PTPN21: variants seen among roughly 807,000 people sequenced by gnomAD.
PTPN21 encodes protein tyrosine phosphatase non-receptor type 21.
PTPN21 carries 77 observed loss-of-function variants against 131.8 expected under a neutral mutation model. The ratio of observed to expected loss-of-function variants is 0.58; its 90% CI spans 0.49 to 0.71. The LOEUF is 0.71. PTPN21 is among the 30% of genes least tolerant of loss of function. The pLI, the probability that PTPN21 is intolerant of heterozygous loss-of-function variation, is 0.00. For synonymous variants in PTPN21, 715 were observed against 621.3 expected (o/e 1.15, Z -2.24); for missense variants, 1,552 against 1,527.1 (o/e 1.02, Z -0.27).
chr14:88,502,809 T>C (rs1238830792), intron 6 of PTPN21, among the ~76,000 whole-genome samples: 1 of 151,926 alleles, frequency 6.6e-6, no homozygotes, highest in Non-Finnish European at 1.5e-5. Context: ...CCCAGGGTAA[T>C]GAACTTGGGC....
Position 88,465,893 on chromosome 14 carries a change from ATT to A in PTPN21, c.*2242_*2243del, listed in dbSNP as rs886447318. 1 of 152,182 alleles carries A rather than the reference ATT, an allele frequency of 6.6e-6. No homozygotes were observed. The highest frequency in any genetic ancestry group is 1.5e-5 in the Non-Finnish European group (1 of 68,038). 9.4% of individuals were successfully genotyped at this position (152,182 alleles called of 1,614,324 possible). The stretch of plus-strand genomic sequence containing the variant: ...AAACATGCAACATTTTAAGAGTAAT[ATT>A]AAACAGTAATTTTGCCCTCAGAAGT... On this transcript the variant is annotated 3_prime_UTR_variant, in exon 19 of 19. Transcript: ENST00000556564.
In PTPN21 at chr14:88,468,194, C is replaced by T; in HGVS notation, c.3468G>A (p.Gln1156=). 1.9e-6 allele frequency: 3 copies of T among 1,612,994 alleles called. No individual in the cohort carries two copies. The highest frequency in any genetic ancestry group is 2.5e-6 in the Non-Finnish European group (3 of 1,179,060). Reference sequence around the variant, plus strand: ...TGAGGACTCTGTACACAAATGTGTACTGGCAGAGAGTCTGCACCAGCATCA... The same window carrying T: ...TGAGGACTCTGTACACAAATGTGTATTGGCAGAGAGTCTGCACCAGCATCA... The part of the protein sequence containing the change: ...QRMMLVQTLC[Q]YTFVYRVLIQ... Residue 1156 remains glutamine (Q), a synonymous_variant, in exon 19 of 19, where the codon CAG becomes CAA. Transcript: ENST00000556564.
At chr14:88,534,316 G>C (rs1021736227) in intron 2 of PTPN21, among the ~76,000 whole-genome samples, 29 of 151,660 alleles carry the variant, frequency 1.9e-4, no homozygotes, top group Admixed American at 6.6e-4. Context: ...CCAGGACGCA[G>C]AGGTTGCAGT....
chr14:88,520,709 T>C (rs568839121), intron 2 of PTPN21, among the ~76,000 whole-genome samples: 23 of 152,344 alleles, frequency 1.5e-4, no homozygotes, highest in Non-Finnish European at 3.1e-4. Context: ...AGTTATTTAC[T>C]AGGAGTGAAA....
rs1418605418 is a variant in PTPN21, at chr14:88,479,274, G to C, written c.2157C>G (p.Phe719Leu). Residue 719 changes from phenylalanine (F) to leucine (L), a missense_variant, in exon 13 of 19, where the codon TTC becomes TTG. By Grantham distance (22) the Phe-to-Leu change is conservative. Transcript: ENST00000556564. ...GCGCCCGGGCCCCGCTCTCCTCCTCGAAGTCCTCGTCCTCCTCCTCCTCGC... is the reference window on the plus strand; with the variant it reads ...GCGCCCGGGCCCCGCTCTCCTCCTCCAAGTCCTCGTCCTCCTCCTCCTCGC... ...HSSEEEEDED[F>L]EEESGARAPP... 1.2e-6 allele frequency: 2 copies of C among 1,612,804 alleles called. No individual in the cohort carries two copies. Among genetic ancestry groups the C allele is most frequent in the African/African-American group, 1.3e-5 (1 of 74,890 alleles).
At position 88,473,738 on chromosome 14, in the gene PTPN21, C is replaced by G; in HGVS notation, c.2576G>C (p.Gly859Ala). The G allele has an allele frequency of 6.2e-7, 1 of 1,611,042 alleles. No homozygotes were observed. The highest frequency in any genetic ancestry group is 8.5e-7 in the Non-Finnish European group (1 of 1,179,442). Residue 859 changes from glycine (G) to alanine (A), a missense_variant, in exon 14 of 19, where the codon GGA becomes GCA. By Grantham distance (60) the Gly-to-Ala change is moderately conservative. Coordinates refer to ENST00000556564, the MANE Select transcript of PTPN21 (RefSeq NM_007039.4). ...CAGAGGCACTCGAGATAGGGAGAGT[C>G]CATTTAGGGCAGCCAGTTTAAGAGG... ...IGPLKLAALN[G>A]LSLSRVPLPD...
chr14:88,474,113 AACAAATCAGC>A (rs1216731117), intron 13 of PTPN21, among the ~76,000 whole-genome samples: 1 of 146,874 alleles, frequency 6.8e-6, no homozygotes, highest in African/African-American at 2.5e-5. Flanking sequence ...AGACAGACGT[AACAAATCAGC>A]TGAAGTCCAA....
intron 10 of PTPN21, among the ~76,000 whole-genome samples, chr14:88,492,223 CT>C (rs1197381042): frequency 1.3e-5 from 2 of 152,166 alleles, no homozygotes; most frequent in African/African-American, 4.8e-5. Context: ...TTATTAAAGT[CT>C]TTAAAATGAA....
chr14:88,479,967 C>A lies in PTPN21; in HGVS notation c.1464G>T (p.Ala488=), dbSNP rs763915173. The change falls in exon 13 of 19, where the codon GCG becomes GCT. Residue 488 remains alanine, a synonymous_variant. Coordinates refer to ENST00000556564, the MANE Select transcript of PTPN21 (RefSeq NM_007039.4). The part of the protein sequence containing the change: ...GSSYAYSRPA[A]LVYSQPEIRE... ...GGATCTCGGGCTGGCTGTAGACCAG[C>A]GCCGCGGGCCTGCTGTAGGCGTACG... 1.9e-6 allele frequency: 3 copies of A among 1,608,884 alleles called. No individual in the cohort carries two copies. Among genetic ancestry groups the A allele is most frequent in the South Asian group, 1.1e-5 (1 of 91,074 alleles).
chr14:88,512,127 T>C (rs912077836), intron 3 of PTPN21, among the ~76,000 whole-genome samples: 1 of 152,202 alleles, frequency 6.6e-6, no homozygotes, highest in Non-Finnish European at 1.5e-5. Context: ...ACCTTATGCC[T>C]ACCACGTTTT....
chr14:88,479,281 T>TC lies in PTPN21; in HGVS notation c.2149dup (p.Glu717GlyfsTer137). ...GGCCCCGCTCTCCTCCTCGAAGTCC[T>TC]CGTCCTCCTCCTCCTCGCTGCTGTG... On this transcript the variant is annotated frameshift_variant, in exon 13 of 19. Coordinates refer to ENST00000556564, the MANE Select transcript of PTPN21 (RefSeq NM_007039.4). LOFTEE classifies it high-confidence loss of function. 6.2e-7 allele frequency: 1 copy of TC among 1,613,016 alleles called. No homozygotes were observed. The highest frequency in any genetic ancestry group is 1.1e-5 in the South Asian group (1 of 91,060).
intron 2 of PTPN21, among the ~76,000 whole-genome samples, chr14:88,535,725 T>C (rs1357479258): frequency 1.3e-5 from 2 of 152,224 alleles, no homozygotes; most frequent in Non-Finnish European, 2.9e-5. Context: ...GTCAAACTAA[T>C]TTCTTCCTTT....
At chr14:88,553,070 T>C (rs1358289857) in intron 1 of PTPN21, among the ~76,000 whole-genome samples, 1 of 152,210 alleles carries the variant, frequency 6.6e-6, no homozygotes, top group Non-Finnish European at 1.5e-5. Flanking sequence ...TTTCACTACA[T>C]AGAACTATGC....
In PTPN21 at chr14:88,479,823, C is replaced by T. The variant is rs202106257; in HGVS notation, c.1608G>A (p.Ala536=). The change falls in exon 13 of 19, where the codon GCG becomes GCA. Residue 536 remains alanine (A), a synonymous_variant. Transcript: ENST00000556564. ...YPAERRPVVG[A]VSVPELTNAQ... Reference sequence around the variant, plus strand: ...CATTGGTCAGCTCCGGCACGCTGACCGCGCCCACCACGGGCCGCCGCTCGG... The same window carrying T: ...CATTGGTCAGCTCCGGCACGCTGACTGCGCCCACCACGGGCCGCCGCTCGG... 3.2e-6 allele frequency: 5 copies of T among 1,548,260 alleles called. No individual in the cohort carries two copies. In the East Asian group the frequency reaches 9.0e-5, roughly 28 times the overall value.
intron 10 of PTPN21, 40 bp from the exon 11 acceptor site, chr14:88,485,882 T>A (rs369229791): frequency 2.4e-6 from 3 of 1,256,658 alleles, no homozygotes; most frequent in Admixed American, 1.8e-5. Flanking sequence ...ACATACACAC[T>A]CTCTCTTAAA....
At chr14:88,481,433 C>A (rs1379835173) in intron 12 of PTPN21, among the ~76,000 whole-genome samples, 5 of 152,160 alleles carry the variant, frequency 3.3e-5, no homozygotes. Flanking sequence ...CAGCTCGGGC[C>A]CCTACCCCAG....
chr14:88,524,939 A>T (rs115080878), intron 2 of PTPN21, among the ~76,000 whole-genome samples: 1,605 of 152,188 alleles, frequency 0.011, 30 homozygotes, highest in African/African-American at 0.037. Flanking sequence ...TTTAGAACTT[A>T]CATGCAAAAA....
At chr14:88,543,784 A>C (rs2078737989) in intron 2 of PTPN21, among the ~76,000 whole-genome samples, 3 of 152,196 alleles carry the variant, frequency 2.0e-5, no homozygotes, top group Admixed American at 2.0e-4. Context: ...ATTTTGCTAG[A>C]CTTTCATCTT....
At chr14:88,542,929 C>G (rs1448844866) in intron 2 of PTPN21, among the ~76,000 whole-genome samples, 1 of 152,110 alleles carries the variant, frequency 6.6e-6, no homozygotes, top group Non-Finnish European at 1.5e-5. Flanking sequence ...ACGTACATAC[C>G]TAAATGAATA....
Sources: gnomAD v4.1 joint callset for allele counts (sites outside exome capture counted in the v4.1 genomes callset) on GRCh38, gnomAD v4.1.1 for gene constraint, MANE v1.5 for transcripts, NCBI Gene and HGNC (gene_info 2026-07-23, HGNC 2026-07-21) for gene names.